Variants in ELP4 observed in about 807,000 individuals in gnomAD.
ELP4 encodes the protein elongator acetyltransferase complex subunit 4, also known as elongator complex protein 4.
Under a neutral mutation model 48.9 loss-of-function variants are expected in ELP4, and 51 were observed. The ratio of observed to expected loss-of-function variants is 1.04; its 90% CI spans 0.83 to 1.32. The LOEUF (loss-of-function observed/expected upper bound fraction) is 1.32. Among genes scored for constraint, ELP4 ranks in the 40% most tolerant of loss-of-function variants. The pLI is 0.00. For missense variants in ELP4, 519 were observed against 514.6 expected (o/e 1.01, Z -0.08); for synonymous variants, 210 against 189.2 (o/e 1.11, Z -0.90).
At position 31,632,310 on chromosome 11, in the gene ELP4, A is replaced by T. The variant is rs1944877772; in HGVS notation, c.832A>T (p.Ser278Cys). 1 of 1,613,504 alleles carries T rather than the reference A, an allele frequency of 6.2e-7. No individual in the cohort carries two copies. The highest frequency in any genetic ancestry group is 1.1e-5 in the South Asian group (1 of 91,018). ...DICCAENGGN[S>C]HSLTKFLYVL... ...TTGCTGTGCAGAAAATGGTGGCAAC[A>T]GTCACAGCCTTACCAAGTTCCTCTA... The change falls in exon 7 of 10, where the codon AGT becomes TGT. Residue 278 changes from serine (S) to cysteine (C), a missense_variant. Physicochemically the swap from Ser to Cys is moderately radical, Grantham distance 112. Transcript: ENST00000640961.
chr11:31,730,650 A>T (rs1947166831), intron 9 of ELP4, among the ~76,000 whole-genome samples: 1 of 152,138 alleles, frequency 6.6e-6, no homozygotes, highest in Non-Finnish European at 1.5e-5. Flanking sequence ...TAGATGCATT[A>T]GGGCACTGAG....
In ELP4 at chr11:31,650,181, A is replaced by G. The variant is rs764467121; in HGVS notation, c.1103A>G (p.Asp368Gly). Residue 368 changes from aspartate (D) to glycine (G), a missense_variant, in exon 9 of 10, where the codon GAC becomes GGC. Physicochemically the swap from Asp to Gly is moderately conservative, Grantham distance 94. Transcript: ENST00000640961. ...ATCTGTGATGAATCAGATGTCAAAG[A>G]CTTAGCTTTTAAATTAAAAAGGAAG... ...NLICDESDVK[D>G]LAFKLKRKLF... The G allele has an allele frequency of 2.6e-6, 4 of 1,512,166 alleles. No individual in the cohort carries two copies. Among genetic ancestry groups the G allele is most frequent in the Non-Finnish European group, 3.6e-6 (4 of 1,097,736 alleles). The allele number at this position is 1,512,166 out of a possible 1,614,324, so 93.7% of individuals were successfully genotyped here.
At chr11:31,571,000 A>G (rs1184759671) in intron 3 of ELP4, among the ~76,000 whole-genome samples, 2 of 151,462 alleles carry the variant, frequency 1.3e-5, no homozygotes, top group East Asian at 2.0e-4. Flanking sequence ...GGGTTTCACC[A>G]TATTGGCCAG....
intron 9 of ELP4, among the ~76,000 whole-genome samples, chr11:31,705,592 AT>A (rs1946614271): frequency 1.3e-5 from 2 of 152,250 alleles, no homozygotes; most frequent in East Asian, 1.9e-4. Context: ...TATTCAAAAA[AT>A]ATTGCAGATT....
At chr11:31,740,946 C>T (rs1326744330) in intron 9 of ELP4, among the ~76,000 whole-genome samples, 2 of 152,240 alleles carry the variant, frequency 1.3e-5, no homozygotes, top group Non-Finnish European at 2.9e-5. Flanking sequence ...CGAGGCATCG[C>T]CTCACCCGGG....
chr11:31,669,243 G>T (rs1945754198), intron 9 of ELP4, among the ~76,000 whole-genome samples: 1 of 151,754 alleles, frequency 6.6e-6, no homozygotes, highest in Admixed American at 6.6e-5. Flanking sequence ...GGACTACCAT[G>T]CCCAGCTAAT....
intron 9 of ELP4, among the ~76,000 whole-genome samples, chr11:31,712,867 G>T (rs966395366): frequency 2.0e-5 from 3 of 152,066 alleles, no homozygotes; most frequent in Non-Finnish European, 4.4e-5. Flanking sequence ...GACATCAATT[G>T]TCAGGATGCC....
chr11:31,579,519 A>G (rs1172505605), intron 3 of ELP4, among the ~76,000 whole-genome samples: 1 of 152,180 alleles, frequency 6.6e-6, no homozygotes, highest in Non-Finnish European at 1.5e-5. Context: ...GCAATAGCAA[A>G]GACTGGGAAC....
intron 9 of ELP4, among the ~76,000 whole-genome samples, chr11:31,678,541 G>GTGTGTA (rs1266702044): frequency 1.4e-5 from 1 of 71,252 alleles, no homozygotes; most frequent in African/African-American, 9.3e-5. Context: ...GTGTGTGTGT[G>GTGTGTA]TATATGTGCA....
At chr11:31,619,428 A>G (rs919406566) in intron 5 of ELP4, among the ~76,000 whole-genome samples, 22 of 152,094 alleles carry the variant, frequency 1.4e-4, no homozygotes, top group Admixed American at 6.6e-4. Context: ...ACAGAAATGT[A>G]TTTCTTATGG....
chr11:31,561,384 A>G (rs184449192), intron 3 of ELP4, among the ~76,000 whole-genome samples: 5 of 152,264 alleles, frequency 3.3e-5, no homozygotes, highest in Admixed American at 1.3e-4. Context: ...CTCTTTGAGC[A>G]TGGAATTTCT....
At chr11:31,742,885 A>T (rs925691736) in intron 9 of ELP4, among the ~76,000 whole-genome samples, 3 of 152,204 alleles carry the variant, frequency 2.0e-5, no homozygotes, top group Admixed American at 1.3e-4. Flanking sequence ...GACAGGATCA[A>T]ATTCACACAT....
chr11:31,575,080 T>C (rs1592130535), intron 3 of ELP4, among the ~76,000 whole-genome samples: 1 of 152,106 alleles, frequency 6.6e-6, no homozygotes, highest in East Asian at 1.9e-4. Context: ...ATAAACAGTG[T>C]AGAGAAATCC....
chr11:31,647,556 C>A (rs1223525713), intron 7 of ELP4, 185 bp from the exon 8 acceptor site: 1 of 483,542 alleles, frequency 2.1e-6, no homozygotes, highest in Non-Finnish European at 3.7e-6. Flanking sequence ...CATGGGCCAG[C>A]ATTTTCAATT....
intron 9 of ELP4, among the ~76,000 whole-genome samples, chr11:31,752,773 G>A (rs1947751796): frequency 6.6e-6 from 1 of 150,956 alleles, no homozygotes. Flanking sequence ...GGCGGAGCTT[G>A]CAGTGAGCTG....
intron 9 of ELP4, among the ~76,000 whole-genome samples, chr11:31,660,959 A>T (rs1258849543): frequency 6.6e-6 from 1 of 152,106 alleles, no homozygotes; most frequent in Non-Finnish European, 1.5e-5. Context: ...AATACAAAGA[A>T]AATATTTTCT....
At chr11:31,609,514 T>A (rs941875326) in intron 5 of ELP4, among the ~76,000 whole-genome samples, 2 of 152,048 alleles carry the variant, frequency 1.3e-5, no homozygotes, top group Non-Finnish European at 2.9e-5. Context: ...AGGGTTTTCA[T>A]CAGCTCTTTG....
rs1171009926 is a variant in ELP4, at chr11:31,790,097, CAAAAAAAAAAA to C, written c.*6586_*6596del. 1.5e-4 allele frequency: 22 copies of C among 145,388 alleles called. 1 individual carries two copies. The East Asian group carries it at 2.3e-3, about 15-fold the overall frequency. 9.0% of individuals were successfully genotyped at this position (145,388 alleles called of 1,614,324 possible). ...CATGGAATACAAATTTATAGGTTTA[CAAAAAAAAAAA>C]AAAAAAAAAAAACTAATACTTTCTA... is the stretch of plus-strand genomic sequence containing the variant. On this transcript the variant is annotated 3_prime_UTR_variant, in exon 10 of 10. Transcript: ENST00000640961.
chr11:31,620,914 T>C (rs1049077227), intron 5 of ELP4, among the ~76,000 whole-genome samples: 1 of 151,878 alleles, frequency 6.6e-6, no homozygotes, highest in Admixed American at 6.6e-5. Context: ...TGTTCTTAGT[T>C]GAACATCCAT....
Sources: allele counts gnomAD v4.1 joint callset (sites outside exome capture counted in the v4.1 genomes callset), GRCh38; gene constraint gnomAD v4.1.1; transcripts MANE v1.5; gene names NCBI Gene and HGNC (gene_info 2026-07-23, HGNC 2026-07-21).